Variants in SLC1A6 observed in about 807,000 individuals in gnomAD.
SLC1A6 encodes the protein solute carrier family 1 member 6.
SLC1A6 carries 15 observed loss-of-function variants against 42.1 expected under a neutral mutation model. That is an observed-to-expected ratio of 0.36 (90% CI 0.24 to 0.55). The LOEUF (loss-of-function observed/expected upper bound fraction) is 0.55. Ranked by LOEUF, SLC1A6 falls within the 20% of genes least tolerant of loss-of-function variation. SLC1A6 has a pLI of 0.88. For missense variants in SLC1A6, 542 were observed against 772.5 expected (o/e 0.70, Z 3.54); for synonymous variants, 317 against 319.7 (o/e 0.99, Z 0.09).
At chr19:14,986,717 A>G (rs1172967760) in intron 1 of SLC1A6, among the ~76,000 whole-genome samples, 3 of 151,406 alleles carry the variant, frequency 2.0e-5, no homozygotes, top group African/African-American at 7.3e-5. Context: ...CAGCCTCTTG[A>G]GTAGCTGGGA....
intron 5 of SLC1A6, 21 bp downstream of exon 5, chr19:14,964,298 A>C (rs1377411272): frequency 1.9e-6 from 3 of 1,610,656 alleles, no homozygotes; most frequent in South Asian, 1.1e-5. Context: ...TCCTTGATCA[A>C]ACTGTGTACT....
At chr19:14,950,465 G>C in intron 9 of SLC1A6, 75 bp from the exon 10 acceptor site, 1 of 1,168,370 alleles carries the variant, frequency 8.6e-7, no homozygotes, top group South Asian at 1.7e-5. Flanking sequence ...CAGCAGAGGG[G>C]GGTCCCTGTG....
chr19:14,962,139 G>A lies in SLC1A6; in HGVS notation c.798C>T (p.Ile266=). ...AGAAGACCACGAGGCCCAGGGCGTTGATGCCATTGGCGGAGCCAGGCACGG... is the reference window on the plus strand; with the variant it reads ...AGAAGACCACGAGGCCCAGGGCGTTAATGCCATTGGCGGAGCCAGGCACGG... The part of the protein sequence containing the change: ...TVPVPGSANG[I]NALGLVVFSV... The change falls in exon 6 of 10, where the codon ATC becomes ATT. Residue 266 remains isoleucine (I), a synonymous_variant. Coordinates refer to ENST00000594383, the MANE Select transcript of SLC1A6 (RefSeq NM_005071.3). The A allele has an allele frequency of 6.2e-7, 1 of 1,614,196 alleles. No homozygotes were observed. Among genetic ancestry groups the A allele is most frequent in the Non-Finnish European group, 8.5e-7 (1 of 1,180,016 alleles).
At chr19:14,991,547 G>A (rs927904356) in intron 1 of SLC1A6, among the ~76,000 whole-genome samples, 3 of 151,604 alleles carry the variant, frequency 2.0e-5, no homozygotes, top group African/African-American at 7.3e-5. Context: ...GCTTGAACCC[G>A]GGAGGAGGAT....
At chr19:15,009,080 A>G (rs897224967) in intron 1 of SLC1A6, among the ~76,000 whole-genome samples, 1 of 151,462 alleles carries the variant, frequency 6.6e-6, no homozygotes, top group Non-Finnish European at 1.5e-5. Context: ...TAGCATATAT[A>G]TATCGGATAC....
intron 1 of SLC1A6, among the ~76,000 whole-genome samples, chr19:14,991,621 CA>C (rs34838245): frequency 0.63 from 85,715 of 135,422 alleles, 26,297 homozygotes; most frequent in African/African-American, 0.75. Context: ...GACTCTGTGT[CA>C]AAAAAAAAAA....
At position 14,950,275 on chromosome 19, in the gene SLC1A6, G is replaced by A; in HGVS notation, c.1615C>T (p.Leu539=). 1 of 1,612,322 alleles carries A rather than the reference G, an allele frequency of 6.2e-7. No homozygotes were observed. Among genetic ancestry groups the A allele is most frequent in the Non-Finnish European group, 8.5e-7 (1 of 1,179,020 alleles). ...ATGAGGGACTTGTAGGGTTTCCCCA[G>A]GCTGGGGAGGGTAAGCTCAGCTTCC... ...LQEAELTLPS[L]GKPYKSLMAQ... The change falls in exon 10 of 10, where the codon CTG becomes TTG. Residue 539 remains leucine, a synonymous_variant. Transcript: ENST00000594383.
intron 7 of SLC1A6, among the ~76,000 whole-genome samples, 197 bp downstream of exon 7, chr19:14,956,279 G>A (rs1468391775): frequency 6.6e-6 from 1 of 152,128 alleles, no homozygotes; most frequent in African/African-American, 2.4e-5. Context: ...TAAAAAACAG[G>A]AAAGGAGAAA....
chr19:14,954,392 G>C, intron 7 of SLC1A6, 63 bp from the exon 8 acceptor site: 1 of 1,483,046 alleles, frequency 6.7e-7, no homozygotes, highest in Non-Finnish European at 9.3e-7. Context: ...GCTGGGAACA[G>C]GGTGTGGCCT....
At chr19:14,986,494 G>T (rs998028481) in intron 1 of SLC1A6, among the ~76,000 whole-genome samples, 12 of 151,100 alleles carry the variant, frequency 7.9e-5, no homozygotes, top group African/African-American at 2.9e-4. Flanking sequence ...TTGCACTCCA[G>T]CCTGGGCGGC....
intron 1 of SLC1A6, among the ~76,000 whole-genome samples, chr19:15,008,134 A>G (rs2145247522): frequency 6.6e-6 from 1 of 152,126 alleles, no homozygotes; most frequent in South Asian, 2.1e-4. Context: ...GCTTGAGCCC[A>G]GGAGTCTGAG....
chr19:14,983,719 C>CA (rs56657572), upstream of SLC1A6, among the ~76,000 whole-genome samples: 12,741 of 51,624 alleles, frequency 0.25, 1,137 homozygotes, highest in East Asian at 0.29. Context: ...ACAACAACAC[C>CA]AAAAAAAAAA....
intron 1 of SLC1A6, among the ~76,000 whole-genome samples, chr19:14,994,461 A>G (rs1486687230): frequency 6.6e-6 from 1 of 152,094 alleles, no homozygotes; most frequent in Non-Finnish European, 1.5e-5. Context: ...TGGATTCTGC[A>G]ATCCTGTATG....
Position 14,954,313 on chromosome 19 carries a change from T to C in SLC1A6, c.1186A>G (p.Ile396Val). ...CCCTCCTCCAGGCAGCGGAAGGTGA[T>C]GGGCAGCGTTGCCGAGCTGGGGGAA... ...GTSSSSATLP[I>V]TFRCLEEGLG... Residue 396 changes from isoleucine (I) to valine (V), a missense_variant, in exon 8 of 10, where the codon ATC becomes GTC. By Grantham distance (29) the Ile-to-Val change is conservative (BLOSUM62 3). Coordinates refer to ENST00000594383, the MANE Select transcript of SLC1A6 (RefSeq NM_005071.3). The C allele has an allele frequency of 6.2e-7, 1 of 1,608,818 alleles. No homozygotes were observed. The highest frequency in any genetic ancestry group is 8.5e-7 in the Non-Finnish European group (1 of 1,179,890).
In SLC1A6 at chr19:14,962,033, C is replaced by A. The variant is rs938109613; in HGVS notation, c.904G>T (p.Ala302Ser). The change falls in exon 6 of 10, where the codon GCT becomes TCT. Residue 302 changes from alanine (A) to serine (S), a missense_variant. By Grantham distance (99) the Ala-to-Ser change is moderately conservative. Transcript: ENST00000594383. Reference protein sequence around the residue: ...LRDFFDSLNEAIMRLVGIIIW... With the variant: ...LRDFFDSLNESIMRLVGIIIW... ...ATGATGCCCACCAGCCTCATAATAG[C>A]CTCATTGAGGCTGTCGAAGAAGTCC... The A allele has an allele frequency of 6.2e-7, 1 of 1,613,992 alleles. No homozygotes were observed. The highest frequency in any genetic ancestry group is 8.5e-7 in the Non-Finnish European group (1 of 1,179,996).
intron 1 of SLC1A6, among the ~76,000 whole-genome samples, chr19:15,008,305 A>G (rs529484288): frequency 6.6e-6 from 1 of 151,942 alleles, no homozygotes; most frequent in Non-Finnish European, 1.5e-5. Flanking sequence ...TGATCCCCCC[A>G]CTGCACTCCA....
chr19:14,993,976 C>A (rs995141554), intron 1 of SLC1A6, among the ~76,000 whole-genome samples: 2 of 152,110 alleles, frequency 1.3e-5, no homozygotes, highest in Non-Finnish European at 1.5e-5. Flanking sequence ...GTGAGCTGAG[C>A]ACTAGAAGCT....
At position 14,972,809 on chromosome 19, in the gene SLC1A6, T is replaced by C; in HGVS notation, c.102A>G (p.Ala34=). 6.2e-7 allele frequency: 1 copy of C among 1,611,694 alleles called. No individual in the cohort carries two copies. The highest frequency in any genetic ancestry group is 8.5e-7 in the Non-Finnish European group (1 of 1,179,208). ...QRLQESLQQR[A]LRTRLRLQTM... ...TCTGCAGGCGCAGGCGCGTGCGCAG[T>C]GCTCTCTGCTGCAGGCTTTCCTGCA... The change falls in exon 2 of 10, where the codon GCA becomes GCG. Residue 34 remains alanine (A), a synonymous_variant. Coordinates refer to ENST00000594383, the MANE Select transcript of SLC1A6 (RefSeq NM_005071.3).
In SLC1A6 at chr19:14,950,301, T is replaced by C. The variant is rs1489810831; in HGVS notation, c.1589A>G (p.Gln530Arg). 1.2e-6 allele frequency: 2 copies of C among 1,612,054 alleles called. No individual in the cohort carries two copies. Among genetic ancestry groups the C allele is most frequent in the Admixed American group, 1.7e-5 (1 of 59,816 alleles). The change falls in exon 10 of 10, where the codon CAG becomes CGG. Residue 530 changes from glutamine (Q) to arginine (R), a missense_variant. Coordinates refer to ENST00000594383, the MANE Select transcript of SLC1A6 (RefSeq NM_005071.3). ...GCTGGGGAGGGTAAGCTCAGCTTCC[T>C]GAAGCTCCAGCTCCCGCTGAGACAA... ...EHLSQRELEL[Q>R]EAELTLPSLG...
Sources: gnomAD v4.1 joint callset for allele counts (sites outside exome capture counted in the v4.1 genomes callset) on GRCh38, gnomAD v4.1.1 for gene constraint, MANE v1.5 for transcripts, NCBI Gene and HGNC (gene_info 2026-07-23, HGNC 2026-07-21) for gene names.